Variants in SULF2 observed in about 807,000 individuals in gnomAD.
SULF2 encodes the protein extracellular sulfatase Sulf-2.
In SULF2, 52 loss-of-function variants were observed where a neutral mutation model predicts 107.7. The ratio of observed to expected loss-of-function variants is 0.48; its 90% confidence interval spans 0.39 to 0.61. The LOEUF (loss-of-function observed/expected upper bound fraction) is 0.61, where lower values mean the gene tolerates loss of function less well. Among genes scored for constraint, SULF2 ranks in the 20% least tolerant of loss-of-function variants. The pLI, the probability that SULF2 is intolerant of heterozygous loss-of-function variation, is 0.00. For synonymous variants in SULF2, 460 were observed against 464.3 expected (o/e 0.99, Z 0.12); for missense variants, 993 against 1,177.3 (o/e 0.84, Z 2.29).
In SULF2 at chr20:47,663,966, C is replaced by T. The variant is rs961766164; in HGVS notation, c.2057+164G>A. ...TAGCCACAAGGGGGCGTCGGAGGCCCGCTCAGTGTTGATTGGGAAGTAAGG... is the reference window on the plus strand; with the variant it reads ...TAGCCACAAGGGGGCGTCGGAGGCCTGCTCAGTGTTGATTGGGAAGTAAGG... On this transcript the variant is annotated intron_variant, in intron 15 of 20. Transcript: ENST00000688720. Among the ~76,000 whole-genome samples the T allele has an allele frequency of 1.1e-4, 16 of 152,296 alleles. No homozygotes were observed. In the South Asian group the frequency reaches 2.5e-3, roughly 24 times the overall value.
chr20:47,782,746 T>C (rs8114940), intron 1 of SULF2, among the ~76,000 whole-genome samples: 100,752 of 151,922 alleles, frequency 0.66, 34,204 homozygotes, highest in East Asian at 0.91. Context: ...TGTCTGCTCA[T>C]AAGCAGAAGA....
Position 47,658,312 on chromosome 20 carries a change from T to C in SULF2, c.*50A>G. On this transcript the variant is annotated 3_prime_UTR_variant, in exon 21 of 21. Coordinates refer to ENST00000688720, the MANE Select transcript of SULF2 (RefSeq NM_001387048.1). ...CACCCACATGGTTTTTCATTGCCTG[T>C]GCAGTCAGGTGATGCCTCTATGTTT... 1 of 1,600,228 alleles carries C rather than the reference T, an allele frequency of 6.2e-7. No homozygotes were observed. Among genetic ancestry groups the C allele is most frequent in the South Asian group, 1.1e-5 (1 of 90,820 alleles).
chr20:47,691,525 A>T lies in SULF2; in HGVS notation c.568-1230T>A, dbSNP rs1453911901. 2.6e-5 allele frequency among the ~76,000 whole-genome samples: 4 copies of T among 151,646 alleles called. No individual in the cohort carries two copies. In the East Asian group the frequency reaches 7.8e-4, roughly 29 times the overall value. The stretch of plus-strand genomic sequence containing the variant: ...GGCCCAGGTATCAGACTTTTAAAAA[A>T]CTCCCCAGGGGATTCTAATGGGTAC... On this transcript the variant is annotated intron_variant, in intron 4 of 20. Coordinates refer to ENST00000688720, the MANE Select transcript of SULF2 (RefSeq NM_001387048.1).
chr20:47,707,439 G>A (rs1270621673), intron 3 of SULF2, among the ~76,000 whole-genome samples: 4 of 152,140 alleles, frequency 2.6e-5, no homozygotes, highest in African/African-American at 4.8e-5. Flanking sequence ...GCTCTGGAGC[G>A]GAACTCTCAC....
intron 3 of SULF2, among the ~76,000 whole-genome samples, chr20:47,708,735 T>C (rs925770187): frequency 1.7e-4 from 26 of 152,222 alleles, no homozygotes; most frequent in African/African-American, 5.5e-4. Flanking sequence ...GGCCAAGGTC[T>C]TTCTGATGAA....
At position 47,680,591 on chromosome 20, in the gene SULF2, C is replaced by T. The variant is rs2087791530; in HGVS notation, c.1065-1787G>A. Among the ~76,000 whole-genome samples, 1 of 152,238 alleles carries T rather than the reference C, an allele frequency of 6.6e-6. No homozygotes were observed. The highest frequency in any genetic ancestry group is 1.5e-5 in the Non-Finnish European group (1 of 68,026). On this transcript the variant is annotated intron_variant, in intron 7 of 20. Coordinates refer to ENST00000688720, the MANE Select transcript of SULF2 (RefSeq NM_001387048.1). The surrounding 1 kb of genome is among the most constrained non-coding windows in gnomAD (Gnocchi z 4.2). ...TTCCGTCATCTTTAACCCCTCATCT[C>T]TCCCCAGTCCAGTGCCCTGTGAACG...
chr20:47,752,976 C>T (rs930128115), intron 2 of SULF2, among the ~76,000 whole-genome samples: 3 of 151,564 alleles, frequency 2.0e-5, no homozygotes, highest in Non-Finnish European at 4.4e-5. Context: ...TAGCGGGCAC[C>T]TGTAATTCCA....
rs1044176102 is a variant in SULF2, at chr20:47,663,004, G to C, written c.2370+66C>G. On this transcript the variant is annotated intron_variant, in intron 17 of 20. Transcript: ENST00000688720. ...TTTGTCATCACTTCCCTGAGGTTGG[G>C]GGGGGCCTACCTGGCAGCACTGGTG... The C allele has an allele frequency of 4.3e-5, 68 of 1,580,588 alleles. No homozygotes were observed. The East Asian group carries it at 1.2e-3, about 27-fold the overall frequency.
chr20:47,675,562 A>G (rs896332971), intron 10 of SULF2, among the ~76,000 whole-genome samples: 2 of 152,174 alleles, frequency 1.3e-5, no homozygotes, highest in African/African-American at 2.4e-5. Flanking sequence ...TCAGAAACGC[A>G]TCCACTTCAG....
At chr20:47,696,298 T>C (rs2088373348) in intron 4 of SULF2, among the ~76,000 whole-genome samples, 2 of 152,166 alleles carry the variant, frequency 1.3e-5, no homozygotes, top group Non-Finnish European at 2.9e-5. Flanking sequence ...TCTAAATGAG[T>C]GTTAGTCATT....
chr20:47,786,402 C>T (rs1221779181), upstream of SULF2: 1 of 152,202 alleles, frequency 6.6e-6, no homozygotes, highest in Non-Finnish European at 1.5e-5. Context: ...TCTGCTTTCA[C>T]AGGACTCGCC....
chr20:47,738,713 G>A (rs2089806081), intron 2 of SULF2, among the ~76,000 whole-genome samples: 1 of 152,176 alleles, frequency 6.6e-6, no homozygotes, highest in Admixed American at 6.5e-5. Flanking sequence ...CATGTAAGAT[G>A]TGCCTTTCAC....
chr20:47,776,311 T>C (rs543429640), intron 1 of SULF2, among the ~76,000 whole-genome samples: 14 of 152,328 alleles, frequency 9.2e-5, no homozygotes, highest in African/African-American at 3.4e-4. Context: ...ACAGAGCCCC[T>C]GGTTAGGTGG....
At chr20:47,696,955 G>A (rs948067792) in intron 4 of SULF2, among the ~76,000 whole-genome samples, 9 of 152,134 alleles carry the variant, frequency 5.9e-5, no homozygotes, top group South Asian at 4.1e-4. Context: ...CCATCACGCC[G>A]TCTCCTGCCT....
chr20:47,739,944 A>G (rs1176749133), intron 2 of SULF2, among the ~76,000 whole-genome samples: 4 of 151,560 alleles, frequency 2.6e-5, no homozygotes, highest in Non-Finnish European at 4.4e-5. Context: ...AGTTTGCCAC[A>G]CTCCCCCGTG....
intron 2 of SULF2, among the ~76,000 whole-genome samples, chr20:47,749,008 G>A (rs1351119114): frequency 4.0e-5 from 6 of 151,526 alleles, no homozygotes; most frequent in Admixed American, 2.0e-4. Flanking sequence ...CTTCTGAAGT[G>A]GTTTTTTTTT....
chr20:47,716,089 C>A (rs906787217), intron 3 of SULF2, among the ~76,000 whole-genome samples: 3 of 152,114 alleles, frequency 2.0e-5, no homozygotes, highest in Non-Finnish European at 4.4e-5. Context: ...AAGGCAACAG[C>A]AGTGCTTTTC....
chr20:47,780,708 C>T (rs2090816491), intron 1 of SULF2, among the ~76,000 whole-genome samples: 1 of 152,170 alleles, frequency 6.6e-6, no homozygotes, highest in Admixed American at 6.5e-5. Flanking sequence ...CAAGCACCAT[C>T]ACACCTGGCT....
At chr20:47,675,804 C>T (rs2087622616) in intron 10 of SULF2, among the ~76,000 whole-genome samples, 1 of 150,788 alleles carries the variant, frequency 6.6e-6, no homozygotes, top group South Asian at 2.1e-4. Context: ...TCAGAAAAGC[C>T]TCCTTCAGGC....
Sources: allele counts gnomAD v4.1 joint callset (sites outside exome capture counted in the v4.1 genomes callset), GRCh38; gene constraint gnomAD v4.1.1; non-coding constraint Gnocchi (gnomAD v3.1); transcripts MANE v1.5; gene names NCBI Gene and HGNC (gene_info 2026-07-23, HGNC 2026-07-21).